IL6ST: variants seen among roughly 807,000 people sequenced by gnomAD.
IL6ST encodes interleukin 6 cytokine family signal transducer, also known as interleukin-6 receptor subunit beta.
IL6ST carries 24 observed loss-of-function variants against 91.3 expected under a neutral mutation model. The ratio of observed to expected loss-of-function variants is 0.26; its 90% CI spans 0.19 to 0.37. IL6ST has a LOEUF of 0.37. Ranked by LOEUF, IL6ST falls within the 10% of genes least tolerant of loss-of-function variation. The pLI is 1.00. For missense variants in IL6ST, 914 were observed against 1,078.5 expected, an observed-to-expected ratio of 0.85 and a Z score of 2.14; for synonymous variants, 351 against 373.6, an observed-to-expected ratio of 0.94 and a Z score of 0.70.
chr5:55,957,338 A>G (rs1310968723), intron 8 of IL6ST, 47 bp from the exon 9 acceptor site: 1 of 984,490 alleles, frequency 1.0e-6, no homozygotes, highest in Middle Eastern at 2.2e-4. Flanking sequence ...TTTTAACAGT[A>G]AAATAAAATT....
At position 55,937,507 on chromosome 5, in the gene IL6ST, G is replaced by C. The variant is rs1427768368; in HGVS notation, c.*3575C>G. ...AATTCTGTTTATCGAGTCTGAAAAG[G>C]AACTGCTGCCAAGGACCAGTCCAAA... is the stretch of plus-strand genomic sequence containing the variant. On this transcript the variant is annotated 3_prime_UTR_variant, in exon 17 of 17. Transcript: ENST00000381298. The C allele has an allele frequency of 4.8e-6, 1 of 210,100 alleles. No homozygotes were observed. The highest frequency in any genetic ancestry group is 9.7e-6 in the Non-Finnish European group (1 of 103,244). The allele number at this position is 210,100 out of a possible 1,614,324, so 13.0% of individuals were successfully genotyped here.
At position 55,936,347 on chromosome 5, in the gene IL6ST, T is replaced by TG. The variant is rs1317048038; in HGVS notation, c.*4734_*4735insC. 2 of 208,178 alleles carry TG rather than the reference T, an allele frequency of 9.6e-6. No homozygotes were observed. Among genetic ancestry groups the TG allele is most frequent in the African/African-American group, 2.4e-5 (1 of 41,810 alleles). 12.9% of individuals were successfully genotyped at this position (208,178 alleles called of 1,614,324 possible). A position where few individuals can be genotyped will look rare whatever the true frequency, so the allele number is the denominator to read the frequency against. Reference sequence around the variant, plus strand: ...GCTCTTGACAACCAAGTAGGTTTTTTTTTTTTTTTTTTTTTTTAATGTCCA... The same window carrying TG: ...GCTCTTGACAACCAAGTAGGTTTTTTGTTTTTTTTTTTTTTTTTAATGTCCA... On this transcript the variant is annotated 3_prime_UTR_variant, in exon 17 of 17. Transcript: ENST00000381298.
rs1470299301 is a variant in IL6ST, at chr5:55,938,381, T to G, written c.*2701A>C. 2 of 190,616 alleles carry G rather than the reference T, an allele frequency of 1.0e-5. No homozygotes were observed. Among genetic ancestry groups the G allele is most frequent in the Non-Finnish European group, 2.2e-5 (2 of 90,896 alleles). 11.8% of individuals were successfully genotyped at this position (190,616 alleles called of 1,614,324 possible). The stretch of plus-strand genomic sequence containing the variant: ...TGGTACAAAGTGTGAAGTTTTATAG[T>G]TTTCTAATAATTATTCAGTATTATC... On this transcript the variant is annotated 3_prime_UTR_variant, in exon 17 of 17. Coordinates refer to ENST00000381298, the MANE Select transcript of IL6ST (RefSeq NM_002184.4).
chr5:55,963,519 ATAAATCC>A lies in IL6ST; in HGVS notation c.659-20_659-14del, dbSNP rs1385861475. ...GGATTGGGCTTCACTGAAAAATAAA[ATAAATCC>A]TAAGGTTTATTATGTTTTCCAATTT... On this transcript the variant is annotated splice_polypyrimidine_tract_variant and intron_variant, in intron 6 of 16. Transcript: ENST00000381298. The A allele has an allele frequency of 6.3e-7, 1 of 1,593,132 alleles. No homozygotes were observed. Among genetic ancestry groups the A allele is most frequent in the Non-Finnish European group, 8.6e-7 (1 of 1,166,470 alleles).
intron 1 of IL6ST, among the ~76,000 whole-genome samples, chr5:55,992,348 G>A (rs1321195823): frequency 6.6e-6 from 1 of 152,182 alleles, no homozygotes; most frequent in Non-Finnish European, 1.5e-5. Flanking sequence ...GACGCAGGAT[G>A]TATCATGGTT....
At chr5:55,967,005 AT>A (rs1223529351) in intron 5 of IL6ST, among the ~76,000 whole-genome samples, 1 of 151,834 alleles carries the variant, frequency 6.6e-6, no homozygotes, top group East Asian at 1.9e-4. Context: ...TCTAAAAGCA[AT>A]TTTTTGGAAA....
chr5:55,938,583 A>C lies in IL6ST; in HGVS notation c.*2499T>G, dbSNP rs1561144610. The C allele has an allele frequency of 5.1e-6, 1 of 197,638 alleles. No individual in the cohort carries two copies. Among genetic ancestry groups the C allele is most frequent in the Non-Finnish European group, 1.0e-5 (1 of 95,592 alleles). 12.2% of individuals were successfully genotyped at this position (197,638 alleles called of 1,614,324 possible). On this transcript the variant is annotated 3_prime_UTR_variant, in exon 17 of 17. Coordinates refer to ENST00000381298, the MANE Select transcript of IL6ST (RefSeq NM_002184.4). Reference sequence around the variant, plus strand: ...GTTTTCTGATGTGCTATTACTTTAAACACCACTTTTGGACACTAAAGATTT... The same window carrying C: ...GTTTTCTGATGTGCTATTACTTTAACCACCACTTTTGGACACTAAAGATTT...
At chr5:55,942,955 T>C (rs1751010939) in intron 15 of IL6ST, among the ~76,000 whole-genome samples, 1 of 152,216 alleles carries the variant, frequency 6.6e-6, no homozygotes, top group Non-Finnish European at 1.5e-5. Context: ...AGGATTATAA[T>C]GTATTCATAA....
intron 1 of IL6ST, among the ~76,000 whole-genome samples, chr5:55,984,336 T>C (rs957634090): frequency 6.6e-6 from 1 of 152,188 alleles, no homozygotes; most frequent in Non-Finnish European, 1.5e-5. Flanking sequence ...CCCCAAAAAA[T>C]ATGTTGAAGT....
chr5:55,957,157 A>C (rs80300976), intron 9 of IL6ST, 52 bp downstream of exon 9: 18 of 184,044 alleles, frequency 9.8e-5, no homozygotes, highest in Admixed American at 6.7e-4. Context: ...ACTCGGTTTC[A>C]AAAAAAAAAA....
intron 14 of IL6ST, among the ~76,000 whole-genome samples, chr5:55,947,969 T>C (rs1259414419): frequency 6.6e-6 from 1 of 152,146 alleles, no homozygotes; most frequent in Non-Finnish European, 1.5e-5. Flanking sequence ...TAATACTGTA[T>C]AACAGAGAAA....
At chr5:55,986,809 A>T (rs35354044) in intron 1 of IL6ST, among the ~76,000 whole-genome samples, 13,442 of 152,246 alleles carry the variant, frequency 0.088, 669 homozygotes, top group Middle Eastern at 0.14. Context: ...CATAGTATAT[A>T]ATAGTATACT....
Position 55,951,842 on chromosome 5 carries a change from GATGT to G in IL6ST, c.1699+83_1699+86del, listed in dbSNP as rs1265848655. The G allele has an allele frequency of 8.6e-5, 74 of 862,776 alleles. 2 individuals carry two copies. The Admixed American group carries it at 1.9e-3, about 22-fold the overall frequency. 53.4% of individuals were successfully genotyped at this position (862,776 alleles called of 1,614,324 possible). A position where few individuals can be genotyped will look rare whatever the true frequency, so the allele number is the denominator to read the frequency against. On this transcript the variant is annotated intron_variant, in intron 13 of 16. Coordinates refer to ENST00000381298, the MANE Select transcript of IL6ST (RefSeq NM_002184.4). ...GTCTCCTGAGGCCAATATACTATAA[GATGT>G]ATAAGAAGAACAGACTTAAATTAGT...
At chr5:55,992,312 G>A (rs532543300) in intron 1 of IL6ST, among the ~76,000 whole-genome samples, 1 of 152,236 alleles carries the variant, frequency 6.6e-6, no homozygotes, top group South Asian at 2.1e-4. Flanking sequence ...CTATCTACTC[G>A]CTGTCGCTCA....
chr5:55,966,930 C>T (rs1377042640), intron 5 of IL6ST, among the ~76,000 whole-genome samples: 1 of 149,656 alleles, frequency 6.7e-6, no homozygotes, highest in African/African-American at 2.5e-5. Flanking sequence ...GTACACATCA[C>T]TCCTACAAAA....
intron 5 of IL6ST, among the ~76,000 whole-genome samples, chr5:55,964,774 TAGGC>T (rs1487672101): frequency 6.6e-6 from 1 of 152,142 alleles, no homozygotes; most frequent in Non-Finnish European, 1.5e-5. Context: ...TAGTCAAACT[TAGGC>T]AACTACTTTC....
intron 8 of IL6ST, chr5:55,959,650 C>T: frequency 7.7e-7 from 1 of 1,297,830 alleles, no homozygotes; most frequent in Non-Finnish European, 1.0e-6. Flanking sequence ...GGATCAACCG[C>T]TTCCCAGGGG....
chr5:55,944,935 C>T (rs1463080214), intron 15 of IL6ST, among the ~76,000 whole-genome samples: 1 of 151,826 alleles, frequency 6.6e-6, no homozygotes, highest in East Asian at 1.9e-4. Flanking sequence ...TGGTCCTCTG[C>T]CCTGGACCTG....
At position 55,942,740 on chromosome 5, in the gene IL6ST, T is replaced by A. The variant is rs1561153358; in HGVS notation, c.1949A>T (p.His650Leu). The A allele has an allele frequency of 6.2e-7, 1 of 1,601,488 alleles. No homozygotes were observed. The highest frequency in any genetic ancestry group is 1.7e-5 in the Admixed American group (1 of 59,808). Residue 650 changes from histidine to leucine, a missense_variant, in exon 16 of 17, where the codon CAC (histidine) becomes CTC (leucine). Coordinates refer to ENST00000381298, the MANE Select transcript of IL6ST (RefSeq NM_002184.4). ...AGGATCTGGAACATTAGGCCAGATG[T>A]GTTTTTTAATTCTGAAGAGAAAAGA... ...CFNKRDLIKK[H>L]IWPNVPDPSK... is the part of the protein sequence containing the mutation.
Sources: gnomAD v4.1 joint callset for allele counts (sites outside exome capture counted in the v4.1 genomes callset) on GRCh38, gnomAD v4.1.1 for gene constraint, MANE v1.5 for transcripts, NCBI Gene and HGNC (gene_info 2026-07-23, HGNC 2026-07-21) for gene names.